MDFIC: variants seen among roughly 807,000 people sequenced by gnomAD.
The protein encoded by MDFIC is MyoD family inhibitor domain containing.
In MDFIC, 17 loss-of-function variants were observed where a neutral mutation model predicts 23.2. The observed-to-expected ratio is 0.73, with a 90% CI of 0.50 to 1.10. MDFIC has a LOEUF of 1.10. Ranked by LOEUF, MDFIC falls within the 50% of genes least tolerant of loss-of-function variation. The pLI is 0.00. For missense variants in MDFIC, 356 were observed against 316.6 expected (o/e 1.12, Z -0.95); for synonymous variants, 120 against 115.2 (o/e 1.04, Z -0.27).
intron 4 of MDFIC, among the ~76,000 whole-genome samples, chr7:115,001,652 G>A (rs1328799948): frequency 6.6e-6 from 1 of 152,132 alleles, no homozygotes; most frequent in African/African-American, 2.4e-5. Flanking sequence ...AGGGTCTGCT[G>A]TATGCCCAGG....
intron 2 of MDFIC, among the ~76,000 whole-genome samples, chr7:114,937,424 C>G (rs1486079634): frequency 6.6e-6 from 1 of 152,162 alleles, no homozygotes; most frequent in African/African-American, 2.4e-5. Context: ...TCTATGATTT[C>G]CTCTACTCCA....
intron 3 of MDFIC, among the ~76,000 whole-genome samples, chr7:114,965,489 A>G (rs1316830481): frequency 6.6e-6 from 1 of 152,234 alleles, no homozygotes; most frequent in Non-Finnish European, 1.5e-5. Context: ...GGAGACCAAG[A>G]TAACCTAGAT....
Position 115,018,179 on chromosome 7 carries a change from G to A in MDFIC, c.*2244G>A, listed in dbSNP as rs1212647960. Reference sequence around the variant, plus strand: ...AAGGAAATCTTTATACTATTTTACAGTAACCACAATCTAAATATTTACATA... The same window carrying A: ...AAGGAAATCTTTATACTATTTTACAATAACCACAATCTAAATATTTACATA... On this transcript the variant is annotated 3_prime_UTR_variant, in exon 5 of 5. Coordinates refer to ENST00000393486, the MANE Select transcript of MDFIC (RefSeq NM_001166345.3). 6.6e-6 allele frequency: 1 copy of A among 151,816 alleles called. No individual in the cohort carries two copies. Among genetic ancestry groups the A allele is most frequent in the Non-Finnish European group, 1.5e-5 (1 of 67,828 alleles). The allele number at this position is 151,816 out of a possible 1,614,324, so 9.4% of individuals were successfully genotyped here.
At chr7:114,956,729 G>A (rs1474739258) in intron 3 of MDFIC, among the ~76,000 whole-genome samples, 5 of 152,180 alleles carry the variant, frequency 3.3e-5, no homozygotes, top group Non-Finnish European at 5.9e-5. Flanking sequence ...ATTAGGGGTA[G>A]GGCTTGGGCA....
intron 2 of MDFIC, among the ~76,000 whole-genome samples, chr7:114,941,311 G>A (rs375350280): frequency 6.6e-6 from 1 of 152,144 alleles, no homozygotes; most frequent in Non-Finnish European, 1.5e-5. Flanking sequence ...ATTTCATCCA[G>A]ATTTCTCACC....
intron 3 of MDFIC, among the ~76,000 whole-genome samples, chr7:114,958,386 T>G (rs2115849926): frequency 6.6e-6 from 1 of 152,334 alleles, no homozygotes; most frequent in Admixed American, 6.5e-5. Flanking sequence ...CTTCTTATTT[T>G]TTGCATAATT....
chr7:114,956,597 G>A (rs921957888), intron 3 of MDFIC, among the ~76,000 whole-genome samples: 1 of 151,948 alleles, frequency 6.6e-6, no homozygotes, highest in Non-Finnish European at 1.5e-5. Context: ...TATGAGGTGG[G>A]GAAGGCATTA....
chr7:114,968,646 A>G (rs1793149331), intron 3 of MDFIC, among the ~76,000 whole-genome samples: 1 of 152,302 alleles, frequency 6.6e-6, no homozygotes, highest in East Asian at 1.9e-4. Context: ...TTATCAAATT[A>G]TGTCAGACAG....
chr7:114,969,220 T>A (rs759357336), intron 3 of MDFIC, among the ~76,000 whole-genome samples: 28 of 152,222 alleles, frequency 1.8e-4, no homozygotes, highest in African/African-American at 4.8e-4. Flanking sequence ...ATTATGCTTT[T>A]ACAGCAATTC....
At chr7:114,954,111 C>T (rs1194403126) in intron 3 of MDFIC, among the ~76,000 whole-genome samples, 1 of 152,190 alleles carries the variant, frequency 6.6e-6, no homozygotes, top group Admixed American at 6.5e-5. Context: ...AGTCTAACAG[C>T]CGTACCTGTT....
Position 114,922,250 on chromosome 7 carries a change from A to G in MDFIC, c.-494A>G. The G allele has an allele frequency of 1.6e-6, 1 of 608,002 alleles. No individual in the cohort carries two copies. Among genetic ancestry groups the G allele is most frequent in the Admixed American group, 4.4e-5 (1 of 22,828 alleles). 37.7% of individuals were successfully genotyped at this position (608,002 alleles called of 1,614,324 possible). ...CGCCGCTCCCAGCATCGGGGCCGCT[A>G]GCCAAGAGTTCGAGGCCTTCCCGAT... On this transcript the variant is annotated 5_prime_UTR_variant, in exon 1 of 5. Transcript: ENST00000393486.
At chr7:115,007,668 TG>T (rs1432057474) in intron 4 of MDFIC, among the ~76,000 whole-genome samples, 1 of 141,988 alleles carries the variant, frequency 7.0e-6, no homozygotes, top group African/African-American at 2.7e-5. Flanking sequence ...TTATATTTCC[TG>T]GAATTTGTTT....
chr7:114,978,503 T>G (rs988573686), intron 3 of MDFIC, among the ~76,000 whole-genome samples: 1 of 152,102 alleles, frequency 6.6e-6, no homozygotes, highest in Non-Finnish European at 1.5e-5. Context: ...GTATAGCATC[T>G]TTTGTTTGTT....
chr7:114,956,901 T>A (rs1030236723), intron 3 of MDFIC, among the ~76,000 whole-genome samples: 3 of 152,200 alleles, frequency 2.0e-5, no homozygotes, highest in Non-Finnish European at 4.4e-5. Flanking sequence ...CTTACAGTTA[T>A]GACTGATGGC....
intron 3 of MDFIC, among the ~76,000 whole-genome samples, chr7:114,969,952 C>T (rs1408896205): frequency 6.6e-6 from 1 of 152,208 alleles, no homozygotes; most frequent in Non-Finnish European, 1.5e-5. Flanking sequence ...GATCCTGCAA[C>T]ATGTGGCTTA....
intron 4 of MDFIC, among the ~76,000 whole-genome samples, chr7:115,013,620 A>T (rs547575527): frequency 2.0e-5 from 3 of 152,248 alleles, no homozygotes; most frequent in Non-Finnish European, 4.4e-5. Flanking sequence ...TTGAAGGTAC[A>T]TTGAATAAAA....
intron 3 of MDFIC, among the ~76,000 whole-genome samples, chr7:114,947,090 T>C (rs925967853): frequency 1.3e-5 from 2 of 152,196 alleles, no homozygotes; most frequent in Non-Finnish European, 2.9e-5. Context: ...TCAGTAAGTG[T>C]TAATTTGGAT....
intron 3 of MDFIC, among the ~76,000 whole-genome samples, chr7:114,972,241 C>T (rs1473349322): frequency 6.6e-6 from 1 of 152,128 alleles, no homozygotes; most frequent in Non-Finnish European, 1.5e-5. Flanking sequence ...AATCTACAGG[C>T]TTACCACTAT....
intron 4 of MDFIC, among the ~76,000 whole-genome samples, chr7:114,995,575 C>T (rs1791306280): frequency 6.6e-6 from 1 of 152,224 alleles, no homozygotes; most frequent in African/African-American, 2.4e-5. Flanking sequence ...TCAGGACCCT[C>T]AGCTGCAGGT....
Sources: gnomAD v4.1 joint callset for allele counts (sites outside exome capture counted in the v4.1 genomes callset) on GRCh38, gnomAD v4.1.1 for gene constraint, MANE v1.5 for transcripts, NCBI Gene and HGNC (gene_info 2026-07-23, HGNC 2026-07-21) for gene names.